The following EML6 variants were observed in gnomAD, a reference collection of about 807,000 sequenced individuals.
EML6 encodes EMAP like 6.
EML6 carries 154 observed loss-of-function variants against 240.1 expected under a neutral mutation model. The observed-to-expected ratio is 0.64, with a 90% confidence interval of 0.56 to 0.73. The LOEUF is 0.73. Ranked by LOEUF, EML6 falls within the 30% of genes least tolerant of loss-of-function variation. The probability of loss-of-function intolerance (pLI) is 0.00; values close to 1 mark genes in which losing one functional copy is unlikely to be tolerated. For synonymous variants in EML6, 1,148 were observed against 899.0 expected (o/e 1.28, Z -4.95); for missense variants, 2,964 against 2,474.6 (o/e 1.20, Z -4.20).
intron 35 of EML6, among the ~76,000 whole-genome samples, chr2:54,961,511 A>G (rs1676514303): frequency 6.6e-6 from 1 of 151,230 alleles, no homozygotes; most frequent in Admixed American, 6.6e-5. Flanking sequence ...TGTTCAGTGG[A>G]AGGAAGAACT....
intron 17 of EML6, chr2:54,882,148 T>C (rs1420567540): frequency 6.6e-6 from 1 of 152,206 alleles, no homozygotes; most frequent in Non-Finnish European, 1.5e-5. Context: ...TACAAGATAC[T>C]CAAGATTTTA....
intron 2 of EML6, among the ~76,000 whole-genome samples, chr2:54,731,041 C>T (rs964792550): frequency 1.3e-5 from 2 of 152,108 alleles, no homozygotes; most frequent in Admixed American, 6.5e-5. Flanking sequence ...GGCAAGATTT[C>T]CAGAGCAGCT....
chr2:54,921,139 G>T (rs1041867018), intron 26 of EML6, among the ~76,000 whole-genome samples: 7 of 151,750 alleles, frequency 4.6e-5, no homozygotes, highest in African/African-American at 1.7e-4. Flanking sequence ...GAGAGAAAAG[G>T]CATCCAGATC....
chr2:54,751,065 A>G (rs75154376), intron 2 of EML6, among the ~76,000 whole-genome samples: 2,231 of 152,340 alleles, frequency 0.015, 58 homozygotes, highest in African/African-American at 0.051. Flanking sequence ...CGCATCATTC[A>G]GAGAACAGAT....
At chr2:54,885,902 C>G (rs772117195) in intron 17 of EML6, among the ~76,000 whole-genome samples, 1 of 152,244 alleles carries the variant, frequency 6.6e-6, no homozygotes, top group African/African-American at 2.4e-5. Flanking sequence ...TGAGCCACCA[C>G]GTCCAGCCCA....
chr2:54,947,410 G>T (rs963275931), intron 28 of EML6, among the ~76,000 whole-genome samples: 1 of 152,064 alleles, frequency 6.6e-6, no homozygotes, highest in African/African-American at 2.4e-5. Flanking sequence ...TTATAATACC[G>T]TTTGGTCCAA....
intron 28 of EML6, among the ~76,000 whole-genome samples, chr2:54,932,184 T>A (rs1287141345): frequency 2.0e-5 from 3 of 152,222 alleles, no homozygotes; most frequent in African/African-American, 7.2e-5. Context: ...ACCTACCAGA[T>A]ATGTAATGTC....
At chr2:54,872,507 A>G (rs1323892703) in intron 16 of EML6, among the ~76,000 whole-genome samples, 3 of 151,952 alleles carry the variant, frequency 2.0e-5, no homozygotes, top group Admixed American at 2.0e-4. Flanking sequence ...CTCTAATTCT[A>G]TCCCCTCTTC....
intron 5 of EML6, among the ~76,000 whole-genome samples, chr2:54,826,793 A>G (rs1351622983): frequency 1.3e-5 from 2 of 152,246 alleles, no homozygotes; most frequent in Admixed American, 6.5e-5. Context: ...ACTCATATTT[A>G]TGAAACGTTT....
intron 2 of EML6, among the ~76,000 whole-genome samples, chr2:54,792,993 T>C (rs1480493389): frequency 1.3e-5 from 2 of 152,210 alleles, no homozygotes; most frequent in Non-Finnish European, 2.9e-5. Context: ...TTAGGCTTGG[T>C]GGAGTGGCTC....
At chr2:54,730,003 G>A (rs1683083689) in intron 2 of EML6, among the ~76,000 whole-genome samples, 1 of 152,132 alleles carries the variant, frequency 6.6e-6, no homozygotes, top group South Asian at 2.1e-4. Flanking sequence ...GGGCATGGTG[G>A]CAGGTGCCTG....
At chr2:54,943,491 C>G (rs559545005) in intron 28 of EML6, among the ~76,000 whole-genome samples, 1 of 152,310 alleles carries the variant, frequency 6.6e-6, no homozygotes, top group East Asian at 1.9e-4. Context: ...TTTCTGCCGT[C>G]ACCTTCCTTC....
At chr2:54,888,415 T>G (rs1672272409) in intron 17 of EML6, among the ~76,000 whole-genome samples, 2 of 152,188 alleles carry the variant, frequency 1.3e-5, no homozygotes, top group South Asian at 4.1e-4. Flanking sequence ...TTGTATTATA[T>G]AAAGTTGAAC....
chr2:54,868,932 G>A (rs1319850138), intron 14 of EML6: 2 of 430,598 alleles, frequency 4.6e-6, no homozygotes, highest in Non-Finnish European at 8.3e-6. Flanking sequence ...TTAAGAAAAA[G>A]CGCACACAAC....
intron 5 of EML6, among the ~76,000 whole-genome samples, chr2:54,822,911 G>A (rs1392135836): frequency 6.6e-6 from 1 of 152,138 alleles, no homozygotes; most frequent in African/African-American, 2.4e-5. Flanking sequence ...CAACACTTTA[G>A]GGCTTCATAA....
chr2:54,956,082 C>G (rs1005232370), intron 32 of EML6, among the ~76,000 whole-genome samples: 1 of 151,922 alleles, frequency 6.6e-6, no homozygotes, highest in African/African-American at 2.4e-5. Context: ...TACATAAAAT[C>G]CATGTCGTCA....
rs1349901936 is a variant in EML6, at chr2:54,724,755, G to T, written c.-307G>T. On this transcript the variant is annotated 5_prime_UTR_variant, in exon 2 of 42. Transcript: ENST00000356458. The surrounding 1 kb of genome is among the most constrained non-coding windows in gnomAD (Gnocchi z 5.2). ...GGCCCCCCCGAGAGCCTCTCCCGGGGGCCGGAGCCCGCAGGTGCAGTGAGG... is the reference window on the plus strand; with the variant it reads ...GGCCCCCCCGAGAGCCTCTCCCGGGTGCCGGAGCCCGCAGGTGCAGTGAGG... The T allele has an allele frequency of 1.3e-5, 2 of 152,940 alleles. No individual in the cohort carries two copies. Among genetic ancestry groups the T allele is most frequent in the African/African-American group, 4.8e-5 (2 of 41,408 alleles). 9.5% of individuals were successfully genotyped at this position (152,940 alleles called of 1,614,324 possible).
Position 54,892,455 on chromosome 2 carries a change from TG to T in EML6, c.2546del (p.Gly849AlafsTer18). On this transcript the variant is annotated frameshift_variant and splice_region_variant, in exon 19 of 42. Coordinates refer to ENST00000356458, the MANE Select transcript of EML6 (RefSeq NM_001039753.4). LOFTEE classifies it high-confidence loss of function. The stretch of plus-strand genomic sequence containing the variant: ...ATAACTGTTCTTGGTCCACTCTAGG[TG>T]GGGGCTTCACTTCTAAAAGAGGAAC... Reference protein sequence around the residue: ...KHIKFWQQAGGGFTSKRGTFG... With the variant: ...KHIKFWQQAGXGFTSKRGTFG... 1.3e-6 allele frequency: 2 copies of T among 1,549,966 alleles called. No individual in the cohort carries two copies. The highest frequency in any genetic ancestry group is 1.7e-6 in the Non-Finnish European group (2 of 1,145,542).
intron 10 of EML6, 126 bp downstream of exon 10, chr2:54,850,344 A>G (rs1244637041): frequency 3.8e-6 from 3 of 792,914 alleles, no homozygotes; most frequent in East Asian, 2.7e-5. Flanking sequence ...TTTGCCGGAA[A>G]GCACCCCCAC....
Sources: gnomAD v4.1 joint callset for allele counts (sites outside exome capture counted in the v4.1 genomes callset) on GRCh38, gnomAD v4.1.1 for gene constraint, Gnocchi (gnomAD v3.1) non-coding constraint, MANE v1.5 for transcripts, NCBI Gene and HGNC (gene_info 2026-07-23, HGNC 2026-07-21) for gene names.